The following KLK13 variants were observed in gnomAD, a reference collection of about 807,000 sequenced individuals.
KLK13 encodes kallikrein related peptidase 13.
In KLK13, 19 loss-of-function variants were observed where a neutral mutation model predicts 22.4. The ratio of observed to expected loss-of-function variants is 0.85; its 90% confidence interval spans 0.59 to 1.24. The LOEUF (loss-of-function observed/expected upper bound fraction) is 1.24, where lower values mean the gene tolerates loss of function less well. Among genes scored for constraint, KLK13 ranks in the 50% most tolerant of loss-of-function variants. The probability of loss-of-function intolerance (pLI) is 0.00; values close to 1 mark genes in which losing one functional copy is unlikely to be tolerated. For synonymous variants in KLK13, 156 were observed against 141.8 expected, an observed-to-expected ratio of 1.10 and a Z score of -0.71; for missense variants, 311 against 347.9, an observed-to-expected ratio of 0.89 and a Z score of 0.84.
At position 51,060,047 on chromosome 19, in the gene KLK13, C is replaced by T. The variant is rs1168464230; in HGVS notation, c.286G>A (p.Ala96Thr). Residue 96 changes from alanine (A) to threonine (T), a missense_variant, in exon 3 of 5, where the codon GCT becomes ACT. Coordinates refer to ENST00000595793, the MANE Select transcript of KLK13 (RefSeq NM_015596.3). ...LGKHALGRVE[A>T]GEQVREVVHS... ...ACAACTTCCCTCACCTGCTCACCAG[C>T]TTCCACACGCCCTAGGGCGTGCTTG... The T allele has an allele frequency of 5.0e-6, 8 of 1,613,694 alleles. No homozygotes were observed. The Admixed American group carries it at 8.3e-5, about 17-fold the overall frequency.
intron 4 of KLK13, 55 bp downstream of exon 4, chr19:51,058,483 C>A: frequency 6.2e-7 from 1 of 1,606,560 alleles, no homozygotes; most frequent in African/African-American, 1.3e-5. Context: ...GCATCTGTCA[C>A]TTCCATTCTG....
chr19:51,063,491 A>C (rs983438723), intron 1 of KLK13: 1 of 355,032 alleles, frequency 2.8e-6, no homozygotes, highest in Middle Eastern at 1.0e-3. Context: ...TAGGATTCTG[A>C]CTCAGGCATC....
In KLK13 at chr19:51,059,934, C is replaced by T. The variant is rs369313164; in HGVS notation, c.399G>A (p.Pro133=). 37 of 1,611,430 alleles carry T rather than the reference C, an allele frequency of 2.3e-5. No individual in the cohort carries two copies. The highest frequency in any genetic ancestry group is 2.2e-4 in the South Asian group (20 of 90,684). Residue 133 remains proline (P), a synonymous_variant, in exon 3 of 5, where the codon CCG becomes CCA. Coordinates refer to ENST00000595793, the MANE Select transcript of KLK13 (RefSeq NM_015596.3). ...HDIMLLELQS[P]VQLTGYIQTL... ...TTTGGATGTAGCCTGTGAGCTGGACCGGGGACTGCAGCTCCAGAAGCATGA... is the reference window on the plus strand; with the variant it reads ...TTTGGATGTAGCCTGTGAGCTGGACTGGGGACTGCAGCTCCAGAAGCATGA...
intron 1 of KLK13, 112 bp from the exon 2 acceptor site, chr19:51,060,731 G>A: frequency 2.5e-6 from 2 of 813,594 alleles, no homozygotes; most frequent in Non-Finnish European, 3.8e-6. Flanking sequence ...GGGTGACCAG[G>A]AACTGAAGAT....
rs776990347 is a variant in KLK13, at chr19:51,058,632, C to A, written c.551G>T (p.Arg184Leu). The change falls in exon 4 of 5, where the codon CGC (arginine) becomes CTC (leucine). Residue 184 changes from arginine (R) to leucine (L), a missense_variant. By Grantham distance (102) the Arg-to-Leu change is moderately radical. Transcript: ENST00000595793. ...GACTTGACGACACTCCTCATCTGAG[C>A]GAAGTTGGATGTTGGCACATTGTAG... Reference protein sequence around the residue: ...KTLQCANIQLRSDEECRQVYP... With the variant: ...KTLQCANIQLLSDEECRQVYP... The A allele has an allele frequency of 1.2e-6, 2 of 1,613,934 alleles. No individual in the cohort carries two copies. Among genetic ancestry groups the A allele is most frequent in the Non-Finnish European group, 8.5e-7 (1 of 1,180,026 alleles).
chr19:51,060,873 A>G (rs973534607), intron 1 of KLK13, among the ~76,000 whole-genome samples: 1 of 152,156 alleles, frequency 6.6e-6, no homozygotes, highest in Non-Finnish European at 1.5e-5. Context: ...CAAAATGAGG[A>G]TGTTGCTGAT....
chr19:51,065,290 C>A (rs2091772692), upstream of KLK13, among the ~76,000 whole-genome samples: 1 of 152,222 alleles, frequency 6.6e-6, no homozygotes, highest in East Asian at 1.9e-4. Context: ...CAGTGTGCAA[C>A]CTCCTGGGGC....
In KLK13 at chr19:51,058,679, G is replaced by A. The variant is rs752535703; in HGVS notation, c.509-5C>T. The A allele has an allele frequency of 5.6e-6, 9 of 1,614,106 alleles. No homozygotes were observed. Among genetic ancestry groups the A allele is most frequent in the Non-Finnish European group, 5.9e-6 (7 of 1,180,014 alleles). On this transcript the variant is annotated splice_polypyrimidine_tract_variant and splice_region_variant and intron_variant, in intron 3 of 4. Transcript: ENST00000595793. ...GTAGAGTTTTGGGGTAATTCACTGGGGAGAAGAAAGAGAAGGTCTAAGGTA... is the reference window on the plus strand; with the variant it reads ...GTAGAGTTTTGGGGTAATTCACTGGAGAGAAGAAAGAGAAGGTCTAAGGTA...
intron 1 of KLK13, among the ~76,000 whole-genome samples, chr19:51,064,053 C>A (rs11665682): frequency 0.41 from 62,886 of 151,862 alleles, 13,123 homozygotes; most frequent in African/African-American, 0.47. Context: ...TTCCAGAGAA[C>A]CTGCCTACAA....
intron 1 of KLK13, chr19:51,064,783 T>C: frequency 6.4e-6 from 4 of 623,846 alleles, no homozygotes; most frequent in Non-Finnish European, 1.2e-5. Context: ...CGGGAGGGGC[T>C]GCTGCGAGGG....
chr19:51,058,764 A>T (rs2091699304), intron 3 of KLK13, 90 bp from the exon 4 acceptor site: 10 of 1,293,476 alleles, frequency 7.7e-6, no homozygotes, highest in Non-Finnish European at 1.1e-5. Flanking sequence ...GGTAAAGAGT[A>T]GATAGAAAAT....
rs182941201 is a variant in KLK13, at chr19:51,057,052, T to C, written c.646-277A>G. 1.1e-3 allele frequency among the ~76,000 whole-genome samples: 170 copies of C among 152,260 alleles called. 4 individuals carry two copies. The highest frequency in any genetic ancestry group is 0.011 in the Admixed American group (167 of 15,296). On this transcript the variant is annotated intron_variant, in intron 4 of 4. Coordinates refer to ENST00000595793, the MANE Select transcript of KLK13 (RefSeq NM_015596.3). ...AGAGAAAGAGAGACACAGAGAAATT[T>C]CTGTGTTTTTCTCTGTTCCTCAGTT...
intron 1 of KLK13, among the ~76,000 whole-genome samples, chr19:51,060,913 C>T (rs766775594): frequency 1.3e-5 from 2 of 152,110 alleles, no homozygotes; most frequent in Non-Finnish European, 2.9e-5. Flanking sequence ...TTTCTCTCCA[C>T]ATGCATTTTT....
chr19:51,059,615 T>G (rs1172498712), intron 3 of KLK13: 2 of 280,270 alleles, frequency 7.1e-6, no homozygotes, highest in Non-Finnish European at 1.3e-5. Context: ...TTTATATTTC[T>G]ATATATTCAT....
rs369943792 is a variant in KLK13 at position 51,060,505 on chromosome 19, T to C, written c.167A>G (p.Gln56Arg). Residue 56 changes from glutamine (Q) to arginine (R), a missense_variant, in exon 2 of 5, where the codon CAA (glutamine) becomes CGA (arginine). Gln to Arg is a conservative substitution (Grantham distance 43). Transcript: ENST00000595793. Reference sequence around the variant, plus strand: ...GACTCCCCCACAGAGTAGCCGCCCTTGCACTAGTAGGGCAGCCTGCCAGGG... The same window carrying C: ...GACTCCCCCACAGAGTAGCCGCCCTCGCACTAGTAGGGCAGCCTGCCAGGG... ...SQPWQAALLV[Q>R]GRLLCGGVLV... The C allele has an allele frequency of 1.7e-4, 274 of 1,613,934 alleles. 10 individuals carry two copies. In the South Asian group the frequency reaches 2.2e-3, roughly 13 times the overall value.
rs143384478 is a variant in KLK13 at position 51,056,690 on chromosome 19, C to T, written c.731G>A (p.Arg244Gln). 4.8e-5 allele frequency: 77 copies of T among 1,614,008 alleles called. No individual in the cohort carries two copies. The highest frequency in any genetic ancestry group is 1.2e-4 in the Admixed American group (7 of 59,996). Residue 244 changes from arginine (R) to glutamine (Q), a missense_variant, in exon 5 of 5, where the codon CGG (arginine) becomes CAG (glutamine). By Grantham distance (43) the Arg-to-Gln change is conservative. Coordinates refer to ENST00000595793, the MANE Select transcript of KLK13 (RefSeq NM_015596.3). Reference protein sequence around the residue: ...WGDFPCGQPDRPGVYTRVSRY... With the variant: ...WGDFPCGQPDQPGVYTRVSRY... ...TGAGACACGGGTGTAGACACCAGGC[C>T]GGTCAGGTTGCCCACATGGGAAGTC...
intron 4 of KLK13, among the ~76,000 whole-genome samples, chr19:51,057,284 C>T (rs2091684692): frequency 6.6e-6 from 1 of 152,102 alleles, no homozygotes; most frequent in Non-Finnish European, 1.5e-5. Context: ...CATCACTAAT[C>T]GATCAAGGCA....
intron 4 of KLK13, 104 bp from the exon 5 acceptor site, chr19:51,056,879 A>C: frequency 1.2e-6 from 1 of 832,220 alleles, no homozygotes; most frequent in Admixed American, 2.5e-5. Context: ...AGAGAGACAC[A>C]CACAGAGAAG....
chr19:51,063,826 C>A (rs1226497103), intron 1 of KLK13: 1 of 465,822 alleles, frequency 2.1e-6, no homozygotes, highest in South Asian at 1.5e-5. Context: ...GCCATTACAT[C>A]TCTAGGCCCC....
Sources: allele counts gnomAD v4.1 joint callset (sites outside exome capture counted in the v4.1 genomes callset), GRCh38; gene constraint gnomAD v4.1.1; transcripts MANE v1.5; gene names NCBI Gene and HGNC (gene_info 2026-07-23, HGNC 2026-07-21).